PKNOX2: variants seen among roughly 807,000 people sequenced by gnomAD.
PKNOX2 encodes the protein PBX/knotted 1 homeobox 2, also known as homeobox protein PKNOX2.
Under a neutral mutation model 53.1 loss-of-function variants are expected in PKNOX2, and 14 were observed. The ratio of observed to expected loss-of-function variants is 0.26; its 90% confidence interval spans 0.17 to 0.41. The LOEUF is 0.41. PKNOX2 is among the 10% of genes least tolerant of loss of function. The pLI is 1.00. For synonymous variants in PKNOX2, 257 were observed against 242.8 expected, an observed-to-expected ratio of 1.06 and a Z score of -0.54; for missense variants, 496 against 602.8, an observed-to-expected ratio of 0.82 and a Z score of 1.85.
chr11:125,412,101 C>A (rs898069854), intron 10 of PKNOX2, among the ~76,000 whole-genome samples: 1 of 152,184 alleles, frequency 6.6e-6, no homozygotes, highest in Non-Finnish European at 1.5e-5. Context: ...AATGTGGCAA[C>A]ACATGGGGTA....
chr11:125,340,534 T>A (rs1950627901), intron 3 of PKNOX2, among the ~76,000 whole-genome samples: 1 of 152,170 alleles, frequency 6.6e-6, no homozygotes, highest in Non-Finnish European at 1.5e-5. Flanking sequence ...GCCGACACCA[T>A]CTGGTTGTTA....
rs55678974 is a variant in PKNOX2 at position 125,288,822 on chromosome 11, C to T, written c.-129-42997C>T. 8.2e-3 allele frequency among the ~76,000 whole-genome samples: 1,242 copies of T among 152,310 alleles called. 10 individuals carry two copies. The highest frequency in any genetic ancestry group is 0.027 in the Middle Eastern group (8 of 294). On this transcript the variant is annotated intron_variant, in intron 2 of 12. Transcript: ENST00000298282. ...GCATGCCCCCACTCAACCCAGACCC[C>T]CTGAATCTGAATCTGCATTTTAGTG...
intron 1 of PKNOX2, among the ~76,000 whole-genome samples, chr11:125,211,684 G>A (rs534817031): frequency 1.3e-5 from 2 of 152,218 alleles, no homozygotes; most frequent in Admixed American, 6.5e-5. Flanking sequence ...CAGCTGCCCA[G>A]GGTGGAGCCG....
chr11:125,258,715 G>C (rs1360663538), intron 2 of PKNOX2: 1 of 203,510 alleles, frequency 4.9e-6, no homozygotes, highest in Non-Finnish European at 1.1e-5. Flanking sequence ...GAAATGGCAG[G>C]GGAGAGAAGC....
At chr11:125,248,615 G>C (rs1247145770) in intron 2 of PKNOX2, among the ~76,000 whole-genome samples, 1 of 148,622 alleles carries the variant, frequency 6.7e-6, no homozygotes, top group African/African-American at 2.5e-5. Context: ...TTATATATAA[G>C]ATATATAAGA....
intron 2 of PKNOX2, among the ~76,000 whole-genome samples, chr11:125,245,645 A>T (rs1216566496): frequency 6.6e-6 from 1 of 152,142 alleles, no homozygotes. Flanking sequence ...ACTTCTGGGG[A>T]CCTATGATGG....
intron 1 of PKNOX2, among the ~76,000 whole-genome samples, chr11:125,172,477 GA>G (rs994152578): frequency 4.6e-5 from 7 of 152,176 alleles, no homozygotes; most frequent in African/African-American, 1.7e-4. Context: ...CCATGAAGCT[GA>G]TTGATATCAG....
At position 125,318,507 on chromosome 11, in the gene PKNOX2, C is replaced by G. The variant is rs534968164; in HGVS notation, c.-129-13312C>G. Among the ~76,000 whole-genome samples, 36 of 152,102 alleles carry G rather than the reference C, an allele frequency of 2.4e-4. 1 individual carries two copies. The highest frequency in any genetic ancestry group is 8.4e-4 in the African/African-American group (35 of 41,462). On this transcript the variant is annotated intron_variant, in intron 2 of 12. Transcript: ENST00000298282. The stretch of plus-strand genomic sequence containing the variant: ...GGCCTTGCTCTGGATTAGGCTTTGG[C>G]TTTAGAGAATGTTGTGTTTGGTTTG...
In PKNOX2 at chr11:125,166,862, C is replaced by T. The variant is rs545687838; in HGVS notation, c.-201+2086C>T. Among the ~76,000 whole-genome samples the T allele has an allele frequency of 1.3e-5, 2 of 152,256 alleles. No homozygotes were observed. The highest frequency in any genetic ancestry group is 4.8e-5 in the African/African-American group (2 of 41,560). Reference sequence around the variant, plus strand: ...ATATTAGCTTTTCGGGTTTCAAATGCTCTATAACCGGTGGCAGCCAAAAGC... The same window carrying T: ...ATATTAGCTTTTCGGGTTTCAAATGTTCTATAACCGGTGGCAGCCAAAAGC... On this transcript the variant is annotated intron_variant, in intron 1 of 12. Transcript: ENST00000298282. This position sits in a 1 kb window ranked among gnomAD's most constrained non-coding sequence, Gnocchi z 4.0.
intron 1 of PKNOX2, among the ~76,000 whole-genome samples, chr11:125,170,038 G>A (rs1480717419): frequency 6.6e-6 from 1 of 152,210 alleles, no homozygotes; most frequent in Non-Finnish European, 1.5e-5. Context: ...CACTGGGAAG[G>A]CAAGGCCTGA....
At chr11:125,391,616 G>C (rs55670697) in intron 6 of PKNOX2, among the ~76,000 whole-genome samples, 9,975 of 152,262 alleles carry the variant, frequency 0.066, 524 homozygotes, top group Admixed American at 0.16. Flanking sequence ...AATCAGTGTG[G>C]GACATCAGAC....
At chr11:125,417,914 C>T (rs1955977162) in intron 10 of PKNOX2, among the ~76,000 whole-genome samples, 1 of 151,974 alleles carries the variant, frequency 6.6e-6, no homozygotes. Context: ...CACTCCAGGG[C>T]CCTTCTATGA....
At chr11:125,411,188 G>T (rs1050281902) in intron 9 of PKNOX2, 1 of 318,224 alleles carries the variant, frequency 3.1e-6, no homozygotes, top group Non-Finnish European at 5.9e-6. Context: ...AAGATCGGAA[G>T]TCAGAGTCTG....
At chr11:125,175,127 A>G (rs542492650) in intron 1 of PKNOX2, among the ~76,000 whole-genome samples, 33 of 151,950 alleles carry the variant, frequency 2.2e-4, no homozygotes, top group Non-Finnish European at 4.6e-4. Flanking sequence ...TGACTTCTAG[A>G]TTGTAGGGGG....
At chr11:125,269,624 A>G (rs1354545333) in intron 2 of PKNOX2, among the ~76,000 whole-genome samples, 4 of 152,134 alleles carry the variant, frequency 2.6e-5, no homozygotes, top group Non-Finnish European at 1.5e-5. Context: ...CTTTTGGTTG[A>G]TGGATGGAGA....
intron 2 of PKNOX2, among the ~76,000 whole-genome samples, chr11:125,263,499 G>C (rs1945048519): frequency 6.6e-6 from 1 of 152,248 alleles, no homozygotes; most frequent in South Asian, 2.1e-4. Flanking sequence ...AAACCTCTCC[G>C]GGGTCAGCAC....
chr11:125,178,729 G>T (rs1955958229), intron 1 of PKNOX2, among the ~76,000 whole-genome samples: 1 of 149,422 alleles, frequency 6.7e-6, no homozygotes, highest in Admixed American at 6.6e-5. Flanking sequence ...AGAAAGGAAG[G>T]AAGAGAGAAA....
At chr11:125,226,872 C>T (rs1386207250) in intron 1 of PKNOX2, among the ~76,000 whole-genome samples, 1 of 151,510 alleles carries the variant, frequency 6.6e-6, no homozygotes, top group East Asian at 1.9e-4. Flanking sequence ...GTCCCATCCT[C>T]AGGAACACAG....
At chr11:125,410,453 T>G (rs1262663602) in intron 8 of PKNOX2, 128 bp downstream of exon 8, 2 of 1,298,272 alleles carry the variant, frequency 1.5e-6, no homozygotes, top group East Asian at 5.0e-5. Context: ...GTTTCTTGAC[T>G]AAAGTTTTCT....
Sources: gnomAD v4.1 joint callset for allele counts (sites outside exome capture counted in the v4.1 genomes callset) on GRCh38, gnomAD v4.1.1 for gene constraint, Gnocchi (gnomAD v3.1) non-coding constraint, MANE v1.5 for transcripts, NCBI Gene and HGNC (gene_info 2026-07-23, HGNC 2026-07-21) for gene names.